DEPDC5: variants seen among roughly 807,000 people sequenced by gnomAD.
The protein encoded by DEPDC5 is DEP domain containing 5, GATOR1 subcomplex subunit, also known as GATOR1 complex protein DEPDC5.
Under a neutral mutation model 217.3 loss-of-function variants are expected in DEPDC5, and 73 were observed. The ratio of observed to expected loss-of-function variants is 0.34; its 90% CI spans 0.28 to 0.41. The LOEUF (loss-of-function observed/expected upper bound fraction) is 0.41. DEPDC5 is among the 10% of genes least tolerant of loss of function. DEPDC5 has a pLI of 1.00. For synonymous variants in DEPDC5, 733 were observed against 756.7 expected (o/e 0.97, Z 0.51); for missense variants, 1,675 against 2,070.1 (o/e 0.81, Z 3.70).
intron 30 of DEPDC5, among the ~76,000 whole-genome samples, chr22:31,845,584 T>C (rs1165825197): frequency 6.6e-6 from 1 of 152,150 alleles, no homozygotes; most frequent in African/African-American, 2.4e-5. Flanking sequence ...ACAGCAGCAG[T>C]CCTTCCTCAC....
chr22:31,830,579 A>G (rs911898498), intron 24 of DEPDC5, among the ~76,000 whole-genome samples: 1 of 152,022 alleles, frequency 6.6e-6, no homozygotes, highest in Non-Finnish European at 1.5e-5. Flanking sequence ...TAAAAGCATA[A>G]TAGCTTCCTG....
At position 31,791,589 on chromosome 22, in the gene DEPDC5, C is replaced by T. The variant is rs567852299; in HGVS notation, c.625-444C>T. Reference sequence around the variant, plus strand: ...AGGCTGCAATGAGCCGAGATTGTGCCACTGCACTCCAGCCTGGGCAACTGA... The same window carrying T: ...AGGCTGCAATGAGCCGAGATTGTGCTACTGCACTCCAGCCTGGGCAACTGA... On this transcript the variant is annotated intron_variant, in intron 10 of 42. Coordinates refer to ENST00000651528, the MANE Select transcript of DEPDC5 (RefSeq NM_001242896.3). 2.8e-5 allele frequency among the ~76,000 whole-genome samples: 4 copies of T among 144,398 alleles called. No individual in the cohort carries two copies. The South Asian group carries it at 8.7e-4, about 32-fold the overall frequency. The allele number at this position is 144,398 out of a possible 152,430, so 94.7% of individuals were successfully genotyped here.
chr22:31,849,212 A>C lies in DEPDC5; in HGVS notation c.3155+2245A>C, dbSNP rs550638020. On this transcript the variant is annotated intron_variant, in intron 31 of 42. Coordinates refer to ENST00000651528, the MANE Select transcript of DEPDC5 (RefSeq NM_001242896.3). ...CAACCTTTGCCTGTTACCCAATTCCAAAGTCGCTTCCACATTTTCGGGTAT... is the reference window on the plus strand; with the variant it reads ...CAACCTTTGCCTGTTACCCAATTCCCAAGTCGCTTCCACATTTTCGGGTAT... 5.3e-5 allele frequency among the ~76,000 whole-genome samples: 8 copies of C among 151,836 alleles called. No homozygotes were observed. In the South Asian group the frequency reaches 1.7e-3, roughly 32 times the overall value.
chr22:31,798,485 T>A, intron 13 of DEPDC5, 97 bp from the exon 14 acceptor site: 1 of 1,062,586 alleles, frequency 9.4e-7, no homozygotes, highest in Non-Finnish European at 1.3e-6. Context: ...GCTGCTCCAC[T>A]CCAGCCTGGG....
At chr22:31,767,728 G>A (rs936491192) in intron 6 of DEPDC5, among the ~76,000 whole-genome samples, 7 of 151,804 alleles carry the variant, frequency 4.6e-5, no homozygotes, top group East Asian at 3.9e-4. Context: ...CATCGTGCCC[G>A]GCCCATTTTT....
intron 10 of DEPDC5, among the ~76,000 whole-genome samples, chr22:31,785,806 A>G (rs988907007): frequency 6.6e-6 from 1 of 152,212 alleles, no homozygotes; most frequent in Non-Finnish European, 1.5e-5. Flanking sequence ...ATCTATGGTC[A>G]GTTGATTTTA....
intron 21 of DEPDC5, 65 bp from the exon 22 acceptor site, chr22:31,818,957 C>T: frequency 6.4e-7 from 1 of 1,553,228 alleles, no homozygotes; most frequent in South Asian, 1.1e-5. Flanking sequence ...ATCATTCTAC[C>T]TAGCTCTGGT....
chr22:31,897,574 C>A lies in DEPDC5; in HGVS notation c.4296C>A (p.Gly1432=). Residue 1432 remains glycine, a synonymous_variant, in exon 40 of 43, where the codon GGC becomes GGA. Coordinates refer to ENST00000651528, the MANE Select transcript of DEPDC5 (RefSeq NM_001242896.3). ...GPFALPSYLY[G]DPLRAQLFIP... Reference sequence around the variant, plus strand: ...TTGCACTGCCCAGTTACCTGTATGGCGACCCCCTTCGTGCCCAGCTCTTCA... The same window carrying A: ...TTGCACTGCCCAGTTACCTGTATGGAGACCCCCTTCGTGCCCAGCTCTTCA... The A allele has an allele frequency of 6.2e-7, 1 of 1,614,078 alleles. No individual in the cohort carries two copies. The highest frequency in any genetic ancestry group is 1.3e-5 in the African/African-American group (1 of 75,012).
chr22:31,817,584 G>C (rs1335597276), intron 21 of DEPDC5: 1 of 234,466 alleles, frequency 4.3e-6, no homozygotes. Flanking sequence ...AACCTCCTGG[G>C]CTCACGTGAT....
At chr22:31,758,110 T>C (rs1477149064) in intron 2 of DEPDC5, among the ~76,000 whole-genome samples, 3 of 152,206 alleles carry the variant, frequency 2.0e-5, no homozygotes, top group Admixed American at 2.0e-4. Flanking sequence ...AGATTTATTG[T>C]GACGGTCACA....
Position 31,873,262 on chromosome 22 carries a change from C to G in DEPDC5, c.3493C>G (p.Gln1165Glu). Residue 1165 changes from glutamine (Q) to glutamate (E), a missense_variant, in exon 35 of 43, where the codon CAG becomes GAG. Gln to Glu is a conservative substitution (Grantham distance 29). Transcript: ENST00000651528. Reference sequence around the variant, plus strand: ...TGACACCCTGTGTTACAGCTCTCAGCAGCTGGTGGCAAGCTCCTTGACCTC... The same window carrying G: ...TGACACCCTGTGTTACAGCTCTCAGGAGCTGGTGGCAAGCTCCTTGACCTC... ...STNSSDSSSQQLVASSLTSSS... is the reference protein window; with the variant it reads ...STNSSDSSSQELVASSLTSSS... 1 of 1,614,086 alleles carries G rather than the reference C, an allele frequency of 6.2e-7. No individual in the cohort carries two copies. Among genetic ancestry groups the G allele is most frequent in the South Asian group, 1.1e-5 (1 of 91,088 alleles).
intron 10 of DEPDC5, among the ~76,000 whole-genome samples, chr22:31,787,814 T>TAAAA (rs373550815): frequency 7.8e-6 from 1 of 127,414 alleles, no homozygotes; most frequent in Non-Finnish European, 1.7e-5. Context: ...CCTGTCTCTT[T>TAAAA]AAAAAAAAAA....
chr22:31,829,877 C>A (rs2090458268), intron 24 of DEPDC5, among the ~76,000 whole-genome samples: 1 of 152,130 alleles, frequency 6.6e-6, no homozygotes, highest in African/African-American at 2.4e-5. Context: ...AGAAGACTTG[C>A]TAGTAAATGT....
intron 33 of DEPDC5, among the ~76,000 whole-genome samples, chr22:31,863,627 T>C (rs939327879): frequency 6.6e-6 from 1 of 152,132 alleles, no homozygotes; most frequent in African/African-American, 2.4e-5. Flanking sequence ...CTGGACAATA[T>C]CGTAAAACCC....
At chr22:31,786,241 G>GT (rs1445125847) in intron 10 of DEPDC5, among the ~76,000 whole-genome samples, 1 of 150,896 alleles carries the variant, frequency 6.6e-6, no homozygotes, top group Non-Finnish European at 1.5e-5. Flanking sequence ...GGGCAACAGA[G>GT]TGAGACTCCA....
intron 12 of DEPDC5, among the ~76,000 whole-genome samples, chr22:31,796,673 A>AT (rs1279933154): frequency 6.6e-6 from 1 of 151,598 alleles, no homozygotes; most frequent in African/African-American, 2.4e-5. Context: ...CCTAGCAGCA[A>AT]TTTCTGTGTT....
rs138245369 is a variant in DEPDC5 at position 31,873,155 on chromosome 22, G to A, written c.3486-100G>A. The A allele has an allele frequency of 1.1e-4, 178 of 1,598,494 alleles. No individual in the cohort carries two copies. The African/African-American group carries it at 2.1e-3, about 19-fold the overall frequency. On this transcript the variant is annotated intron_variant, in intron 34 of 42. Transcript: ENST00000651528. ...ATGCCTTTAGTGTCAACATTGTCCT[G>A]GTTTCTGGCTCCATAGGAAGTGGAG...
At chr22:31,768,279 G>T (rs1354566575) in intron 6 of DEPDC5, among the ~76,000 whole-genome samples, 1 of 151,716 alleles carries the variant, frequency 6.6e-6, no homozygotes, top group African/African-American at 2.4e-5. Context: ...ATTATGAACT[G>T]GTTCTGAAAA....
intron 31 of DEPDC5, among the ~76,000 whole-genome samples, chr22:31,854,793 G>A (rs2092204682): frequency 6.6e-6 from 1 of 152,100 alleles, no homozygotes; most frequent in Non-Finnish European, 1.5e-5. Flanking sequence ...ATAATAAAGG[G>A]ATGTAATCAG....
Sources: gnomAD v4.1 joint callset for allele counts (sites outside exome capture counted in the v4.1 genomes callset) on GRCh38, gnomAD v4.1.1 for gene constraint, MANE v1.5 for transcripts, NCBI Gene and HGNC (gene_info 2026-07-23, HGNC 2026-07-21) for gene names.